The following HAUS6 variants were observed in gnomAD, a reference collection of about 807,000 sequenced individuals.
HAUS6 encodes the protein HAUS augmin like complex subunit 6.
HAUS6 carries 80 observed loss-of-function variants against 106.8 expected under a neutral mutation model. The observed-to-expected ratio is 0.75, with a 90% confidence interval of 0.63 to 0.90. The LOEUF (loss-of-function observed/expected upper bound fraction) is 0.90, where lower values mean the gene tolerates loss of function less well. HAUS6 is among the 40% of genes least tolerant of loss of function. HAUS6 has a pLI of 0.00. For missense variants in HAUS6, 1,155 were observed against 1,118.1 expected (o/e 1.03, Z -0.47); for synonymous variants, 356 against 379.1 (o/e 0.94, Z 0.71).
At chr9:19,094,431 C>T (rs1486214566) in intron 2 of HAUS6, 36 bp from the exon 3 acceptor site, 2 of 1,096,290 alleles carry the variant, frequency 1.8e-6, no homozygotes, top group South Asian at 1.4e-5. Flanking sequence ...GGACTATGCA[C>T]AACAATAGCC....
chr9:19,100,871 A>G (rs1817972248), intron 1 of HAUS6, among the ~76,000 whole-genome samples: 1 of 152,202 alleles, frequency 6.6e-6, no homozygotes, highest in African/African-American at 2.4e-5. Flanking sequence ...CTCACATGTG[A>G]AAGCAAAAAA....
chr9:19,085,614 C>A (rs1429468476), intron 7 of HAUS6, among the ~76,000 whole-genome samples: 2 of 125,286 alleles, frequency 1.6e-5, no homozygotes, highest in Non-Finnish European at 3.2e-5. Context: ...GAGATTTTAT[C>A]CAAAAAAAAA....
chr9:19,094,483 T>C (rs1817820721), intron 2 of HAUS6, 88 bp from the exon 3 acceptor site: 1 of 739,174 alleles, frequency 1.4e-6, no homozygotes, highest in African/African-American at 1.8e-5. Flanking sequence ...ATCAAACTTA[T>C]TTCTAATACC....
At chr9:19,086,863 A>T (rs1260859610) in intron 6 of HAUS6, 81 bp from the exon 7 acceptor site, 1 of 687,074 alleles carries the variant, frequency 1.5e-6, no homozygotes, top group African/African-American at 1.8e-5. Flanking sequence ...TTAGTCTGCA[A>T]ATCAACCCAC....
At chr9:19,076,725 A>G (rs113425227) in intron 10 of HAUS6, 21 bp from the exon 11 acceptor site, 63 of 1,087,014 alleles carry the variant, frequency 5.8e-5, no homozygotes, top group Admixed American at 4.3e-4. Context: ...AAAATTCACA[A>G]TTTTGAAGTA....
rs1303429304 is a variant in HAUS6, at chr9:19,080,516, A to T, written c.1027T>A (p.Phe343Ile). 6.2e-7 allele frequency: 1 copy of T among 1,608,882 alleles called. No homozygotes were observed. Among genetic ancestry groups the T allele is most frequent in the African/African-American group, 1.3e-5 (1 of 74,734 alleles). ...DLHYLEKETK[F>I]QKERLSDLKH... ...AGATCTGATAATCTTTCCTTCTGAAATTTGGTCTCTTTTTCAAGGTAGTGA... is the reference window on the plus strand; with the variant it reads ...AGATCTGATAATCTTTCCTTCTGAATTTTGGTCTCTTTTTCAAGGTAGTGA... Residue 343 changes from phenylalanine to isoleucine, a missense_variant, in exon 9 of 17, where the codon TTT becomes ATT. This residue lies in a region of HAUS6 where 761 missense variants were observed against 690.0 expected (regional missense o/e 1.10). Transcript: ENST00000380502.
In HAUS6 at chr9:19,054,855, C is replaced by A. The variant is rs949979735; in HGVS notation, c.*1488G>T. ...TCTAGCAGTGGCTTTGGCACTTCTG[C>A]AGATGCTGATAAGACAGTATCACAT... is the stretch of plus-strand genomic sequence containing the variant. On this transcript the variant is annotated 3_prime_UTR_variant, in exon 17 of 17. Transcript: ENST00000380502. 1.3e-5 allele frequency: 2 copies of A among 152,190 alleles called. No individual in the cohort carries two copies. Among genetic ancestry groups the A allele is most frequent in the Admixed American group, 1.3e-4 (2 of 15,282 alleles). The allele number at this position is 152,190 out of a possible 1,614,324, so 9.4% of individuals were successfully genotyped here.
chr9:19,067,759 G>A (rs946949599), intron 12 of HAUS6, among the ~76,000 whole-genome samples: 4 of 152,060 alleles, frequency 2.6e-5, no homozygotes, highest in Admixed American at 2.6e-4. Context: ...TGCAACCTCG[G>A]CTCGCCGCAA....
intron 12 of HAUS6, among the ~76,000 whole-genome samples, chr9:19,067,375 T>C (rs2131110518): frequency 6.6e-6 from 1 of 152,286 alleles, no homozygotes; most frequent in Non-Finnish European, 1.5e-5. Flanking sequence ...CCCAGAAACT[T>C]AGCTTTTCAC....
intron 8 of HAUS6, among the ~76,000 whole-genome samples, chr9:19,081,215 C>T (rs546715794): frequency 1.2e-4 from 18 of 152,042 alleles, no homozygotes; most frequent in African/African-American, 4.1e-4. Context: ...TTTTATATTA[C>T]ACAAAAGGTT....
chr9:19,092,221 C>A (rs1817765739), intron 4 of HAUS6, among the ~76,000 whole-genome samples: 1 of 151,742 alleles, frequency 6.6e-6, no homozygotes, highest in Non-Finnish European at 1.5e-5. Flanking sequence ...CTTTAGGAGG[C>A]CAAGGCAGGA....
chr9:19,101,110 AAAGAT>A (rs1458824827), intron 1 of HAUS6, among the ~76,000 whole-genome samples: 1 of 152,248 alleles, frequency 6.6e-6, no homozygotes, highest in African/African-American at 2.4e-5. Flanking sequence ...AACACAAAGG[AAAGAT>A]AAATGTTTGA....
Position 19,089,481 on chromosome 9 carries a change from G to C in HAUS6, c.515C>G (p.Ala172Gly). 6.2e-7 allele frequency: 1 copy of C among 1,611,364 alleles called. No homozygotes were observed. Among genetic ancestry groups the C allele is most frequent in the Non-Finnish European group, 8.5e-7 (1 of 1,177,572 alleles). ...LHKCIARCHF[A>G]RSRFLQILQR... ...CAAAATTTGTAAAAATCTGCTACGT[G>C]CGAAATGGCATCTGGCAATGCATTT... is the stretch of plus-strand genomic sequence containing the variant. Residue 172 changes from alanine to glycine, a missense_variant, in exon 5 of 17, where the codon GCA becomes GGA. Transcript: ENST00000380502.
intron 11 of HAUS6, among the ~76,000 whole-genome samples, 173 bp from the exon 12 acceptor site, chr9:19,070,473 A>G (rs1005829458): frequency 3.9e-5 from 6 of 152,244 alleles, no homozygotes; most frequent in Admixed American, 1.3e-4. Flanking sequence ...TGATGAGCAG[A>G]AAAGTAATAG....
intron 7 of HAUS6, 29 bp from the exon 8 acceptor site, chr9:19,083,072 T>A (rs768178108): frequency 6.9e-7 from 1 of 1,440,166 alleles, no homozygotes; most frequent in Admixed American, 2.1e-5. Context: ...AATATTAAAG[T>A]CCACACATAA....
intron 5 of HAUS6, 37 bp from the exon 6 acceptor site, chr9:19,087,193 A>G (rs1430446982): frequency 3.8e-6 from 4 of 1,066,420 alleles, no homozygotes; most frequent in East Asian, 2.4e-5. Context: ...CTATAATACC[A>G]TTACGATTAA....
At position 19,058,197 on chromosome 9, in the gene HAUS6, T is replaced by G. The variant is rs778585106; in HGVS notation, c.2570A>C (p.Gln857Pro). ...TTCTGGTTTGTGTCTTTCGGGTGTT[T>G]GGGAATTCGAGAGGTAAGATTCTTC... ...KREESYLSNS[Q>P]TPERHKPELS... is the part of the protein sequence containing the mutation. Residue 857 changes from glutamine (Q) to proline (P), a missense_variant, in exon 16 of 17, where the codon CAA (glutamine) becomes CCA (proline). Transcript: ENST00000380502. The G allele has an allele frequency of 1.5e-5, 24 of 1,613,836 alleles. No individual in the cohort carries two copies. The highest frequency in any genetic ancestry group is 1.9e-5 in the Non-Finnish European group (22 of 1,179,848).
At chr9:19,061,568 C>T (rs1451056107) in intron 14 of HAUS6, among the ~76,000 whole-genome samples, 2 of 152,138 alleles carry the variant, frequency 1.3e-5, no homozygotes, top group African/African-American at 2.4e-5. Flanking sequence ...GGCATGGTGG[C>T]TCATGCCTGT....
At chr9:19,067,632 A>T (rs1209359364) in intron 12 of HAUS6, among the ~76,000 whole-genome samples, 1 of 152,150 alleles carries the variant, frequency 6.6e-6, no homozygotes, top group African/African-American at 2.4e-5. Context: ...TTAGGGGTTG[A>T]GTTTCTGGCT....
Sources: gnomAD v4.1 joint callset for allele counts (sites outside exome capture counted in the v4.1 genomes callset) on GRCh38, gnomAD v4.1.1 for gene constraint, gnomAD v4.1.1 regional missense constraint, MANE v1.5 for transcripts, NCBI Gene and HGNC (gene_info 2026-07-23, HGNC 2026-07-21) for gene names.